SUMF1: variants seen among roughly 807,000 people sequenced by gnomAD.
The protein encoded by SUMF1 is formylglycine-generating enzyme.
In SUMF1, 48 loss-of-function variants were observed where a neutral mutation model predicts 47.6. The observed-to-expected ratio is 1.01, with a 90% CI of 0.80 to 1.28. SUMF1 has a LOEUF of 1.28. SUMF1 is among the 50% of genes most tolerant of loss of function. SUMF1 has a pLI of 0.00. For synonymous variants in SUMF1, 230 were observed against 192.1 expected (o/e 1.20, Z -1.63); for missense variants, 571 against 485.4 (o/e 1.18, Z -1.66).
intron 8 of SUMF1, among the ~76,000 whole-genome samples, chr3:4,193,336 A>C (rs1281051328): frequency 6.6e-6 from 1 of 152,124 alleles, no homozygotes; most frequent in Non-Finnish European, 1.5e-5. Flanking sequence ...CCTTTATAAT[A>C]AGACTGTAAG....
chr3:4,056,510 C>CAAAAACTTAA (rs1695194447), intron 9 of SUMF1, among the ~76,000 whole-genome samples: 2 of 151,938 alleles, frequency 1.3e-5, no homozygotes, highest in African/African-American at 2.4e-5. Flanking sequence ...TTCATCTCTA[C>CAAAAACTTAA]AAAAACTTAA....
intron 7 of SUMF1, among the ~76,000 whole-genome samples, chr3:4,397,051 C>A (rs1197358309): frequency 1.3e-5 from 2 of 152,312 alleles, no homozygotes; most frequent in Non-Finnish European, 2.9e-5. Context: ...AGATGGAATG[C>A]AGTAGACTGC....
chr3:4,049,893 C>T lies in SUMF1; in HGVS notation c.1191+18676G>A, dbSNP rs183161443. Among the ~76,000 whole-genome samples, 83 of 152,102 alleles carry T rather than the reference C, an allele frequency of 5.5e-4. 1 individual carries two copies. The highest frequency in any genetic ancestry group is 1.7e-3 in the African/African-American group (70 of 41,490). ...GTGGTGGAAATTGCTCTCAATGAGA[C>T]GAATGGGGAGCTGGAAGGGGGATGG... On this transcript the variant is annotated intron_variant and NMD_transcript_variant, in intron 9 of 12. Coordinates refer to the SUMF1 transcript ENST00000448413.
At chr3:4,072,859 C>T (rs1030151106) in intron 8 of SUMF1, among the ~76,000 whole-genome samples, 1 of 152,124 alleles carries the variant, frequency 6.6e-6, no homozygotes, top group Non-Finnish European at 1.5e-5. Flanking sequence ...CTACGTTTGA[C>T]TGGTGTACCT....
intron 8 of SUMF1, among the ~76,000 whole-genome samples, chr3:4,196,137 A>G (rs1695423787): frequency 6.6e-6 from 1 of 152,158 alleles, no homozygotes; most frequent in African/African-American, 2.4e-5. Flanking sequence ...TTCTTCTCAC[A>G]TAAGGGGAAG....
chr3:4,350,353 GTATAAT>G (rs369398985), intron 8 of SUMF1, among the ~76,000 whole-genome samples: 35 of 57,426 alleles, frequency 6.1e-4, no homozygotes, highest in Non-Finnish European at 9.7e-4. Context: ...GTGTGTGTGT[GTATAAT>G]TGTGTGTGTA....
intron 8 of SUMF1, among the ~76,000 whole-genome samples, chr3:4,166,883 G>A (rs1694719370): frequency 6.6e-6 from 1 of 152,076 alleles, no homozygotes; most frequent in Admixed American, 6.5e-5. Context: ...GAAGAGTCGG[G>A]GGTGGTTAGA....
intron 8 of SUMF1, among the ~76,000 whole-genome samples, chr3:4,093,406 G>A (rs899209270): frequency 3.3e-5 from 5 of 151,968 alleles, no homozygotes; most frequent in South Asian, 2.1e-4. Context: ...ATAATTCACC[G>A]TGACACATAT....
intron 9 of SUMF1, among the ~76,000 whole-genome samples, chr3:4,066,883 T>C (rs969829165): frequency 3.3e-5 from 5 of 152,168 alleles, no homozygotes; most frequent in Non-Finnish European, 5.9e-5. Context: ...GTGATGAGCA[T>C]AGCAGCCAGC....
At position 4,204,961 on chromosome 3, in the gene SUMF1, T is replaced by C. The variant is rs189130394; in HGVS notation, c.1015-136216A>G. On this transcript the variant is annotated intron_variant and NMD_transcript_variant, in intron 8 of 12. Transcript: ENST00000448413. Reference sequence around the variant, plus strand: ...AATTCTCTGAAAGGTCACATATCTCTGTCACATGAGGATTGGTCATTTGTG... The same window carrying C: ...AATTCTCTGAAAGGTCACATATCTCCGTCACATGAGGATTGGTCATTTGTG... Among the ~76,000 whole-genome samples the C allele has an allele frequency of 7.5e-4, 114 of 152,288 alleles. 1 individual carries two copies. In the East Asian group the frequency reaches 0.015, roughly 20 times the overall value.
intron 8 of SUMF1, among the ~76,000 whole-genome samples, chr3:4,124,729 G>A (rs1460416670): frequency 6.6e-6 from 1 of 151,848 alleles, no homozygotes; most frequent in Non-Finnish European, 1.5e-5. Context: ...AAAATCTTGA[G>A]GTTCTGTTTT....
rs113983544 is a variant in SUMF1 at position 4,197,627 on chromosome 3, C to T, written c.1015-128882G>A. 7.8e-4 allele frequency among the ~76,000 whole-genome samples: 118 copies of T among 152,212 alleles called. 3 individuals are homozygous for T. The highest frequency in any genetic ancestry group is 2.7e-3 in the African/African-American group (114 of 41,550). On this transcript the variant is annotated intron_variant and NMD_transcript_variant, in intron 8 of 12. Coordinates refer to the SUMF1 transcript ENST00000448413. ...ATACAGTTGGTCCCCCAAGGAATGG[C>T]GGAGGATGCTACTTTTATAGAATAA... is the stretch of plus-strand genomic sequence containing the variant.
intron 8 of SUMF1, among the ~76,000 whole-genome samples, chr3:4,281,696 CA>C (rs1697532503): frequency 6.6e-6 from 1 of 151,688 alleles, no homozygotes; most frequent in South Asian, 2.1e-4. Context: ...GGGGAAAAAA[CA>C]GGGGGAAAGG....
chr3:4,151,588 C>T (rs7621765), intron 8 of SUMF1, among the ~76,000 whole-genome samples: 5,039 of 143,690 alleles, frequency 0.035, 273 homozygotes, highest in African/African-American at 0.076. Flanking sequence ...CACACACACA[C>T]ATGCAAGTAT....
Position 4,328,666 on chromosome 3 carries a change from G to T in SUMF1, c.1014+47664C>A, listed in dbSNP as rs559782439. Reference sequence around the variant, plus strand: ...ATAATTCAAGGTGAGATTTGGGTGGGGACATAGTCAAACCATATCATTCTG... The same window carrying T: ...ATAATTCAAGGTGAGATTTGGGTGGTGACATAGTCAAACCATATCATTCTG... On this transcript the variant is annotated intron_variant and NMD_transcript_variant, in intron 8 of 12. Coordinates refer to the SUMF1 transcript ENST00000448413. Among the ~76,000 whole-genome samples the T allele has an allele frequency of 1.1e-3, 170 of 150,732 alleles. 1 individual carries two copies. Among genetic ancestry groups the T allele is most frequent in the African/African-American group, 3.8e-3 (159 of 41,308 alleles).
intron 8 of SUMF1, among the ~76,000 whole-genome samples, chr3:4,350,275 GC>G (rs1439024957): frequency 6.6e-6 from 1 of 151,534 alleles, no homozygotes; most frequent in Non-Finnish European, 1.5e-5. Context: ...GCCCACCTTG[GC>G]CTCCCAAAGT....
chr3:4,242,825 T>C (rs1192340239), intron 8 of SUMF1, among the ~76,000 whole-genome samples: 1 of 152,222 alleles, frequency 6.6e-6, no homozygotes, highest in Non-Finnish European at 1.5e-5. Context: ...TTTCTATTGA[T>C]TGGAATAGTT....
chr3:4,461,309 A>C lies in SUMF1; in HGVS notation c.270+5667T>G, dbSNP rs184277375. The stretch of plus-strand genomic sequence containing the variant: ...AAGATAACCCAGTCCTAAAAGGAGA[A>C]ATCAACATTTTAAGCAGCTCTACAA... On this transcript the variant is annotated intron_variant, in intron 1 of 8. Coordinates refer to ENST00000272902, the MANE Select transcript of SUMF1 (RefSeq NM_182760.4). Among the ~76,000 whole-genome samples the C allele has an allele frequency of 1.9e-3, 289 of 152,376 alleles. 2 individuals carry two copies. Among genetic ancestry groups the C allele is most frequent in the Non-Finnish European group, 3.3e-3 (225 of 68,036 alleles).
intron 8 of SUMF1, among the ~76,000 whole-genome samples, chr3:4,154,498 C>A (rs1030482810): frequency 1.3e-5 from 2 of 151,570 alleles, no homozygotes; most frequent in African/African-American, 4.9e-5. Context: ...TTGCCACAAA[C>A]CTACAAGCTG....
Sources: allele counts gnomAD v4.1 joint callset (sites outside exome capture counted in the v4.1 genomes callset), GRCh38; gene constraint gnomAD v4.1.1; transcripts MANE v1.5; gene names NCBI Gene and HGNC (gene_info 2026-07-23, HGNC 2026-07-21).